The following PARP8 variants were observed in gnomAD, a reference collection of about 807,000 sequenced individuals.
The protein encoded by PARP8 is poly(ADP-ribose) polymerase family member 8, also known as protein mono-ADP-ribosyltransferase PARP8.
Under a neutral mutation model 124.1 loss-of-function variants are expected in PARP8, and 51 were observed. That is an observed-to-expected ratio of 0.41 (90% confidence interval 0.33 to 0.52). The LOEUF is 0.52. Among genes scored for constraint, PARP8 ranks in the 20% least tolerant of loss-of-function variants. The probability of loss-of-function intolerance (pLI) is 0.21; values close to 1 mark genes in which losing one functional copy is unlikely to be tolerated. For missense variants in PARP8, 860 were observed against 1,018.9 expected (o/e 0.84, Z 2.12); for synonymous variants, 391 against 361.5 (o/e 1.08, Z -0.93).
chr5:50,708,373 A>G (rs1754383118), intron 2 of PARP8, among the ~76,000 whole-genome samples: 1 of 152,082 alleles, frequency 6.6e-6, no homozygotes, highest in Admixed American at 6.6e-5. Context: ...CACTCTTTGT[A>G]AAGAAAACTT....
At chr5:50,718,605 A>T (rs1045843941) in intron 2 of PARP8, among the ~76,000 whole-genome samples, 8 of 152,026 alleles carry the variant, frequency 5.3e-5, no homozygotes, top group African/African-American at 9.7e-5. Context: ...TTTACATAGC[A>T]TAATGTCCTC....
chr5:50,755,557 A>G (rs192405872), intron 3 of PARP8, among the ~76,000 whole-genome samples: 28 of 152,320 alleles, frequency 1.8e-4, no homozygotes, highest in Admixed American at 1.6e-3. Context: ...TTTTGGTACC[A>G]GTACCATACT....
At chr5:50,740,869 A>T (rs1429978849) in intron 2 of PARP8, among the ~76,000 whole-genome samples, 1 of 152,116 alleles carries the variant, frequency 6.6e-6, no homozygotes, top group African/African-American at 2.4e-5. Context: ...ATTAACTTGG[A>T]AAGAACTTAT....
chr5:50,805,162 A>G (rs565468374), intron 14 of PARP8, among the ~76,000 whole-genome samples: 51 of 152,208 alleles, frequency 3.4e-4, no homozygotes, highest in Non-Finnish European at 6.2e-4. Flanking sequence ...ATCATTCCTT[A>G]TTTCAAAGTT....
intron 2 of PARP8, among the ~76,000 whole-genome samples, chr5:50,724,474 GA>G (rs918586013): frequency 1.3e-5 from 2 of 151,984 alleles, no homozygotes; most frequent in African/African-American, 4.8e-5. Flanking sequence ...TTGGTTCAGG[GA>G]AAAAAATTGT....
intron 2 of PARP8, among the ~76,000 whole-genome samples, chr5:50,697,453 T>A (rs1753154338): frequency 6.6e-6 from 1 of 152,204 alleles, no homozygotes; most frequent in South Asian, 2.1e-4. Context: ...TGTTAATAAA[T>A]TAAAAGGCTT....
At chr5:50,815,367 T>C (rs1744985029) in intron 14 of PARP8, 65 bp from the exon 15 acceptor site, 1 of 1,155,994 alleles carries the variant, frequency 8.7e-7, no homozygotes, top group Non-Finnish European at 1.2e-6. Flanking sequence ...TGAAATGTTG[T>C]GAATTTAATT....
At chr5:50,707,562 G>T (rs954930399) in intron 2 of PARP8, among the ~76,000 whole-genome samples, 17 of 151,318 alleles carry the variant, frequency 1.1e-4, no homozygotes, top group African/African-American at 4.1e-4. Flanking sequence ...ATGATTTGAA[G>T]ATTTACCCTT....
rs1179803246 is a variant in PARP8, at chr5:50,770,722, AAC to A, written c.519-7346_519-7345del. Reference sequence around the variant, plus strand: ...AAAGAAAGAAAGGAGAGAGAAAGAAAACGAAGGAAAGAAAGAGAAAGAAAAGA... The same window carrying A: ...AAAGAAAGAAAGGAGAGAGAAAGAAAGAAGGAAAGAAAGAGAAAGAAAAGA... On this transcript the variant is annotated intron_variant, in intron 7 of 25. Coordinates refer to ENST00000281631, the MANE Select transcript of PARP8 (RefSeq NM_024615.4). 6.1e-3 allele frequency among the ~76,000 whole-genome samples: 833 copies of A among 136,804 alleles called. 6 individuals carry two copies. The highest frequency in any genetic ancestry group is 0.025 in the African/African-American group (780 of 30,980). The allele number at this position is 136,804 out of a possible 152,430, so 89.7% of individuals were successfully genotyped here. A position where few individuals can be genotyped will look rare whatever the true frequency, so the allele number is the denominator to read the frequency against.
At chr5:50,757,580 T>A (rs1437550996) in intron 3 of PARP8, among the ~76,000 whole-genome samples, 1 of 152,252 alleles carries the variant, frequency 6.6e-6, no homozygotes, top group African/African-American at 2.4e-5. Flanking sequence ...TCCTAAACAC[T>A]AATCAAAATA....
rs868771310 is a variant in PARP8 at position 50,747,141 on chromosome 5, G to T, written c.147-3010G>T. Among the ~76,000 whole-genome samples the T allele has an allele frequency of 7.3e-4, 59 of 80,874 alleles. 2 individuals carry two copies. In the South Asian group the frequency reaches 0.028, roughly 38 times the overall value. 53.1% of individuals were successfully genotyped at this position (80,874 alleles called of 152,430 possible). On this transcript the variant is annotated intron_variant, in intron 2 of 25. Transcript: ENST00000281631. ...CTACTCATCTACTTATTCAGTTATGGTTTTTTTTGTTTGTTTGTTTTGTTT... is the reference window on the plus strand; with the variant it reads ...CTACTCATCTACTTATTCAGTTATGTTTTTTTTTGTTTGTTTGTTTTGTTT...
At chr5:50,668,189 C>G (rs1749583470) in intron 2 of PARP8, 64 bp downstream of exon 2, 2 of 1,405,332 alleles carry the variant, frequency 1.4e-6, no homozygotes, top group Admixed American at 3.4e-5. Flanking sequence ...TTGTTCTTAG[C>G]GTGTTCCGTG....
At chr5:50,674,033 T>A (rs1750336537) in intron 2 of PARP8, among the ~76,000 whole-genome samples, 1 of 152,226 alleles carries the variant, frequency 6.6e-6, no homozygotes, top group Admixed American at 6.5e-5. Context: ...TTTTTCATTC[T>A]CTAAATTTCT....
chr5:50,775,307 C>G (rs776052861), intron 7 of PARP8, among the ~76,000 whole-genome samples: 1 of 152,224 alleles, frequency 6.6e-6, no homozygotes, highest in Non-Finnish European at 1.5e-5. Context: ...GCAATCCCAG[C>G]ACTTCGGGAG....
At chr5:50,767,506 A>T (rs1391287053) in intron 7 of PARP8, among the ~76,000 whole-genome samples, 1 of 152,210 alleles carries the variant, frequency 6.6e-6, no homozygotes, top group African/African-American at 2.4e-5. Flanking sequence ...CTAGACACTA[A>T]CCACTACTCC....
At chr5:50,809,024 T>TA (rs34641320) in intron 14 of PARP8, among the ~76,000 whole-genome samples, 10 of 151,630 alleles carry the variant, frequency 6.6e-5, no homozygotes, top group African/African-American at 9.7e-5. Flanking sequence ...AAACATGGTT[T>TA]AAAAAAAAAT....
At chr5:50,833,734 GATTATTGAACCCTA>G (rs1233939838) in intron 23 of PARP8, among the ~76,000 whole-genome samples, 1 of 152,064 alleles carries the variant, frequency 6.6e-6, no homozygotes, top group East Asian at 1.9e-4. Flanking sequence ...TGTGTTGTAA[GATTATTGAACCCTA>G]ATTTAGCATT....
In PARP8 at chr5:50,817,322, G is replaced by T. The variant is rs141134763; in HGVS notation, c.1668+1798G>T. On this transcript the variant is annotated intron_variant, in intron 15 of 25. Transcript: ENST00000281631. Reference sequence around the variant, plus strand: ...TCTAAAAATCAATATCAAAAGATCAGAAAGTTTAGTAATTCTACTCCAAAG... The same window carrying T: ...TCTAAAAATCAATATCAAAAGATCATAAAGTTTAGTAATTCTACTCCAAAG... 1.5e-4 allele frequency among the ~76,000 whole-genome samples: 23 copies of T among 152,276 alleles called. No homozygotes were observed. In the East Asian group the frequency reaches 4.4e-3, roughly 29 times the overall value.
intron 21 of PARP8, among the ~76,000 whole-genome samples, chr5:50,828,692 C>T (rs1746611369): frequency 6.6e-6 from 1 of 151,328 alleles, no homozygotes; most frequent in South Asian, 2.1e-4. Flanking sequence ...CCAGCCTGGC[C>T]AACATGGCAA....
Sources: gnomAD v4.1 joint callset for allele counts (sites outside exome capture counted in the v4.1 genomes callset) on GRCh38, gnomAD v4.1.1 for gene constraint, MANE v1.5 for transcripts, NCBI Gene and HGNC (gene_info 2026-07-23, HGNC 2026-07-21) for gene names.